Variants in MACROD2 observed in about 807,000 individuals in gnomAD.
MACROD2 encodes the protein ADP-ribose glycohydrolase MACROD2.
A neutral mutation model predicts 70.4 loss-of-function variants in MACROD2; 36 were observed. The ratio of observed to expected loss-of-function variants is 0.51; its 90% CI spans 0.39 to 0.68. The LOEUF (loss-of-function observed/expected upper bound fraction) is 0.68, where lower values mean the gene tolerates loss of function less well. Ranked by LOEUF, MACROD2 falls within the 30% of genes least tolerant of loss-of-function variation. The pLI, the probability that MACROD2 is intolerant of heterozygous loss-of-function variation, is 0.00. For synonymous variants in MACROD2, 172 were observed against 178.8 expected (o/e 0.96, Z 0.30); for missense variants, 496 against 538.4 (o/e 0.92, Z 0.78).
At chr20:15,049,641 C>T (rs915518189) in intron 5 of MACROD2, among the ~76,000 whole-genome samples, 4 of 152,144 alleles carry the variant, frequency 2.6e-5, no homozygotes, top group South Asian at 2.1e-4. Flanking sequence ...AGAGTTTTAA[C>T]GTGTCTTAAA....
chr20:14,724,441 G>A (rs1203394313), intron 5 of MACROD2, among the ~76,000 whole-genome samples: 2 of 152,126 alleles, frequency 1.3e-5, no homozygotes, highest in African/African-American at 2.4e-5. Flanking sequence ...TGCCCCATAA[G>A]AGAAAATTCC....
At chr20:15,631,476 C>A (rs779604749) in intron 8 of MACROD2, among the ~76,000 whole-genome samples, 1 of 152,090 alleles carries the variant, frequency 6.6e-6, no homozygotes, top group Non-Finnish European at 1.5e-5. Flanking sequence ...TTTAACCCCC[C>A]AGAGATATAT....
chr20:15,267,759 T>TG (rs1432174475), intron 6 of MACROD2, among the ~76,000 whole-genome samples: 2 of 151,998 alleles, frequency 1.3e-5, no homozygotes, highest in Admixed American at 6.6e-5. Flanking sequence ...ACCTGAGCAC[T>TG]GGGAGGATGG....
chr20:14,222,813 GAAAAAAAAAAAAAAAAAAA>G (rs199573606), intron 3 of MACROD2, among the ~76,000 whole-genome samples: 1 of 132,946 alleles, frequency 7.5e-6, no homozygotes, highest in South Asian at 2.6e-4. Context: ...TTGGATTTCT[GAAAAAAAAAAAAAAAAAAA>G]AAAAAAAAAA....
chr20:15,523,744 C>T (rs1280899403), intron 8 of MACROD2, among the ~76,000 whole-genome samples: 3 of 152,166 alleles, frequency 2.0e-5, no homozygotes, highest in Admixed American at 2.0e-4. Flanking sequence ...GTCTCTGTTT[C>T]ATATTGTGGG....
intron 3 of MACROD2, among the ~76,000 whole-genome samples, chr20:14,178,272 T>G (rs971809369): frequency 7.2e-5 from 11 of 152,186 alleles, no homozygotes; most frequent in Admixed American, 7.2e-4. Context: ...ATTGGATCAT[T>G]ATACTACATA....
intron 5 of MACROD2, among the ~76,000 whole-genome samples, chr20:14,748,636 C>A (rs1392932560): frequency 6.6e-6 from 1 of 152,178 alleles, no homozygotes; most frequent in East Asian, 1.9e-4. Context: ...TAAGGGTGGA[C>A]TCTAGACAGC....
chr20:14,489,642 G>T (rs895351380), intron 3 of MACROD2, among the ~76,000 whole-genome samples: 1 of 152,134 alleles, frequency 6.6e-6, no homozygotes, highest in African/African-American at 2.4e-5. Context: ...TCAGGATTCT[G>T]TTAGGATGAA....
At chr20:14,136,069 T>G (rs1722717489) in intron 3 of MACROD2, among the ~76,000 whole-genome samples, 1 of 152,202 alleles carries the variant, frequency 6.6e-6, no homozygotes, top group Non-Finnish European at 1.5e-5. Flanking sequence ...TGACGTGATC[T>G]TCTATTAGAA....
At chr20:15,760,807 C>T (rs758593721) in intron 8 of MACROD2, among the ~76,000 whole-genome samples, 9 of 151,990 alleles carry the variant, frequency 5.9e-5, no homozygotes, top group East Asian at 1.9e-4. Context: ...GGACCAAATT[C>T]GCAATTCTAT....
At chr20:15,001,632 A>G in intron 5 of MACROD2, among the ~76,000 whole-genome samples, 1 of 152,124 alleles carries the variant, frequency 6.6e-6, no homozygotes, top group Non-Finnish European at 1.5e-5. Context: ...AAAAATCTAA[A>G]CTGTGGGTTT....
chr20:14,276,201 G>A (rs1411922171), intron 3 of MACROD2, among the ~76,000 whole-genome samples: 6 of 152,072 alleles, frequency 3.9e-5, no homozygotes, highest in South Asian at 2.1e-4. Flanking sequence ...AGCACTATTT[G>A]CAATAGCAAA....
At chr20:16,020,738 T>C (rs1170988452) in intron 15 of MACROD2, among the ~76,000 whole-genome samples, 1 of 151,864 alleles carries the variant, frequency 6.6e-6, no homozygotes, top group African/African-American at 2.4e-5. Context: ...CACCACTGAC[T>C]AAAAGCATGC....
At chr20:15,234,231 A>G (rs1343069852) in intron 6 of MACROD2, among the ~76,000 whole-genome samples, 1 of 146,898 alleles carries the variant, frequency 6.8e-6, no homozygotes, top group African/African-American at 2.5e-5. Context: ...ACGGGGTTTC[A>G]CCGTGTTAGC....
At chr20:15,285,406 G>A (rs2146096006) in intron 6 of MACROD2, among the ~76,000 whole-genome samples, 1 of 152,274 alleles carries the variant, frequency 6.6e-6, no homozygotes, top group East Asian at 1.9e-4. Context: ...TGCAAACTCA[G>A]TCTCTCAAAT....
intron 3 of MACROD2, among the ~76,000 whole-genome samples, chr20:14,341,819 G>A (rs2083016000): frequency 6.6e-6 from 1 of 152,076 alleles, no homozygotes; most frequent in Admixed American, 6.6e-5. Context: ...ACAACTTCAG[G>A]TAAAGCTTGA....
intron 5 of MACROD2, among the ~76,000 whole-genome samples, chr20:15,129,254 T>C (rs927834518): frequency 2.0e-5 from 3 of 152,250 alleles, no homozygotes; most frequent in Admixed American, 6.5e-5. Flanking sequence ...CTTTGTATTA[T>C]ACTTTTCATC....
chr20:14,793,199 A>T (rs2072470516), intron 5 of MACROD2, among the ~76,000 whole-genome samples: 2 of 151,784 alleles, frequency 1.3e-5, no homozygotes, highest in South Asian at 4.2e-4. Flanking sequence ...GTGTGTGTGT[A>T]AAGTGGGAAG....
chr20:14,216,426 A>C (rs779495545), intron 3 of MACROD2, among the ~76,000 whole-genome samples: 2 of 152,118 alleles, frequency 1.3e-5, no homozygotes, highest in Non-Finnish European at 2.9e-5. Flanking sequence ...TATAGTTTGA[A>C]ATCAGGTTGT....
Sources: gnomAD v4.1 joint callset for allele counts (sites outside exome capture counted in the v4.1 genomes callset) on GRCh38, gnomAD v4.1.1 for gene constraint, MANE v1.5 for transcripts, NCBI Gene and HGNC (gene_info 2026-07-23, HGNC 2026-07-21) for gene names.